The following UBE2G1 variants were observed in gnomAD, a reference collection of about 807,000 sequenced individuals.
UBE2G1 encodes ubiquitin conjugating enzyme E2 G1, also known as ubiquitin-conjugating enzyme E2 G1.
In UBE2G1, 5 loss-of-function variants were observed where a neutral mutation model predicts 22.7. That is an observed-to-expected ratio of 0.22 (90% CI 0.12 to 0.46). UBE2G1 has a LOEUF of 0.46. Ranked by LOEUF, UBE2G1 falls within the 20% of genes least tolerant of loss-of-function variation. The pLI is 0.99. For synonymous variants in UBE2G1, 74 were observed against 67.5 expected (o/e 1.10, Z -0.47); for missense variants, 88 against 203.9 (o/e 0.43, Z 3.46).
chr17:4,290,867 C>T (rs1014710774), intron 3 of UBE2G1, among the ~76,000 whole-genome samples: 5 of 151,310 alleles, frequency 3.3e-5, no homozygotes, highest in Admixed American at 1.3e-4. Context: ...ACAGCCCCTG[C>T]GCTGGCCGAC....
rs569761691 is a variant in UBE2G1 at position 4,306,972 on chromosome 17, G to A, written c.149+49C>T. On this transcript the variant is annotated intron_variant, in intron 2 of 5. Coordinates refer to ENST00000396981, the MANE Select transcript of UBE2G1 (RefSeq NM_003342.5). ...GCCTGCCAAAATAGTTTTTAATTCA[G>A]TGTATTAAAAGAGCTCCATTTTGAA... is the stretch of plus-strand genomic sequence containing the variant. The A allele has an allele frequency of 1.7e-5, 26 of 1,519,504 alleles. No homozygotes were observed. The East Asian group carries it at 2.3e-4, about 13-fold the overall frequency. 94.1% of individuals were successfully genotyped at this position (1,519,504 alleles called of 1,614,324 possible).
At chr17:4,352,440 G>A (rs1969855618) in intron 1 of UBE2G1, among the ~76,000 whole-genome samples, 1 of 152,160 alleles carries the variant, frequency 6.6e-6, no homozygotes, top group Non-Finnish European at 1.5e-5. Flanking sequence ...AAGTCTAGCT[G>A]TCTTGGTTCT....
intron 5 of UBE2G1, among the ~76,000 whole-genome samples, chr17:4,276,218 T>G (rs369786320): frequency 6.6e-6 from 1 of 151,984 alleles, no homozygotes; most frequent in African/African-American, 2.4e-5. Flanking sequence ...GGAGACAGAG[T>G]TACCCTCTGT....
rs1265269323 is a variant in UBE2G1, at chr17:4,271,642, T to C, written c.*912A>G. On this transcript the variant is annotated 3_prime_UTR_variant, in exon 6 of 6. Transcript: ENST00000396981. ...TGTAATAGCAAACCCAGAAGTTAAG[T>C]AGAAAGCCTGTAGCTGTGCATGCTT... The C allele has an allele frequency of 1.3e-5, 2 of 149,092 alleles. No homozygotes were observed. The highest frequency in any genetic ancestry group is 4.3e-4 in the South Asian group (2 of 4,614). The allele number at this position is 149,092 out of a possible 1,614,324, so 9.2% of individuals were successfully genotyped here.
At chr17:4,310,623 T>C (rs1969298817) in intron 1 of UBE2G1, among the ~76,000 whole-genome samples, 1 of 152,192 alleles carries the variant, frequency 6.6e-6, no homozygotes, top group Non-Finnish European at 1.5e-5. Context: ...TTGGACTTTA[T>C]CCAGAGGGCA....
chr17:4,298,347 A>G (rs1055526006), intron 2 of UBE2G1, among the ~76,000 whole-genome samples: 1 of 152,186 alleles, frequency 6.6e-6, no homozygotes, highest in African/African-American at 2.4e-5. Context: ...CAAGTGAAAA[A>G]TTGGGGGTGT....
At chr17:4,344,924 A>C (rs1969752552) in intron 1 of UBE2G1, among the ~76,000 whole-genome samples, 1 of 152,218 alleles carries the variant, frequency 6.6e-6, no homozygotes, top group African/African-American at 2.4e-5. Flanking sequence ...TAAGTATTTT[A>C]CCTGCCTTCA....
intron 1 of UBE2G1, among the ~76,000 whole-genome samples, chr17:4,323,111 G>A (rs566736409): frequency 6.6e-6 from 1 of 152,258 alleles, no homozygotes; most frequent in South Asian, 2.1e-4. Context: ...TATTAATAAA[G>A]GAGAAATATT....
intron 2 of UBE2G1, 143 bp downstream of exon 2, chr17:4,306,878 C>T (rs62064446): frequency 0.068 from 39,469 of 578,918 alleles, 1,735 homozygotes; most frequent in Non-Finnish European, 0.09. Flanking sequence ...TCTCGAACTC[C>T]TGACCTCATG....
chr17:4,296,352 TC>T, intron 3 of UBE2G1, among the ~76,000 whole-genome samples: 1 of 152,298 alleles, frequency 6.6e-6, no homozygotes, highest in East Asian at 1.9e-4. Flanking sequence ...AACCTGCACC[TC>T]CCGGGTTCAA....
intron 2 of UBE2G1, among the ~76,000 whole-genome samples, chr17:4,297,404 A>G (rs56412343): frequency 0.034 from 5,239 of 152,316 alleles, 336 homozygotes; most frequent in African/African-American, 0.12. Flanking sequence ...CTGTAAAACC[A>G]AACTGTAATG....
At chr17:4,354,295 T>C (rs184437456) in intron 1 of UBE2G1, among the ~76,000 whole-genome samples, 1 of 152,274 alleles carries the variant, frequency 6.6e-6, no homozygotes, top group East Asian at 1.9e-4. Flanking sequence ...CTTTTATTTT[T>C]CTACAGACTA....
At chr17:4,334,439 T>G (rs1041284505) in intron 1 of UBE2G1, among the ~76,000 whole-genome samples, 4 of 152,222 alleles carry the variant, frequency 2.6e-5, no homozygotes, top group African/African-American at 9.6e-5. Context: ...AACACAAGAC[T>G]TGATAAAACC....
At chr17:4,301,625 C>A (rs1019291668) in intron 2 of UBE2G1, 1 of 949,418 alleles carries the variant, frequency 1.1e-6, no homozygotes, top group South Asian at 1.3e-5. Flanking sequence ...TATGATGGGG[C>A]ACAATTACTT....
At chr17:4,281,308 A>G (rs1029454571) in intron 5 of UBE2G1, among the ~76,000 whole-genome samples, 3 of 152,364 alleles carry the variant, frequency 2.0e-5, no homozygotes, top group Non-Finnish European at 4.4e-5. Context: ...TTCCACATAT[A>G]AACAGTTCAA....
At chr17:4,289,796 T>C (rs906361609) in intron 3 of UBE2G1, among the ~76,000 whole-genome samples, 7 of 152,350 alleles carry the variant, frequency 4.6e-5, no homozygotes, top group African/African-American at 1.7e-4. Context: ...TGAGTTTCTA[T>C]GTAATGGCCT....
At chr17:4,353,464 C>G (rs12452478) in intron 1 of UBE2G1, among the ~76,000 whole-genome samples, 1 of 123,060 alleles carries the variant, frequency 8.1e-6, no homozygotes, top group Non-Finnish European at 1.7e-5. Flanking sequence ...TATATATATA[C>G]ACACACACAC....
At chr17:4,314,917 G>A (rs1969348665) in intron 1 of UBE2G1, among the ~76,000 whole-genome samples, 1 of 152,158 alleles carries the variant, frequency 6.6e-6, no homozygotes, top group Admixed American at 6.5e-5. Context: ...ATACTGCAAG[G>A]AGCACAAAAG....
intron 4 of UBE2G1, among the ~76,000 whole-genome samples, chr17:4,284,231 C>G (rs1417237696): frequency 6.6e-6 from 1 of 151,220 alleles, no homozygotes; most frequent in Non-Finnish European, 1.5e-5. Context: ...TTTCCCTCAC[C>G]TATATCCAAA....
Sources: allele counts gnomAD v4.1 joint callset (sites outside exome capture counted in the v4.1 genomes callset), GRCh38; gene constraint gnomAD v4.1.1; transcripts MANE v1.5; gene names NCBI Gene and HGNC (gene_info 2026-07-23, HGNC 2026-07-21).